The following FMN2 variants were observed in gnomAD, a reference collection of about 807,000 sequenced individuals.
FMN2 encodes formin 2, also known as formin-2.
A neutral mutation model predicts 142.3 loss-of-function variants in FMN2; 51 were observed. The ratio of observed to expected loss-of-function variants is 0.36; its 90% confidence interval spans 0.29 to 0.45. FMN2 has a LOEUF of 0.45. Among genes scored for constraint, FMN2 ranks in the 20% least tolerant of loss-of-function variants. The pLI, the probability that FMN2 is intolerant of heterozygous loss-of-function variation, is 1.00. For missense variants in FMN2, 1,936 were observed against 2,122.8 expected (o/e 0.91, Z 1.73); for synonymous variants, 882 against 869.8 (o/e 1.01, Z -0.25).
At chr1:240,461,526 G>A (rs997386845) in intron 16 of FMN2, among the ~76,000 whole-genome samples, 2 of 152,160 alleles carry the variant, frequency 1.3e-5, no homozygotes, top group African/African-American at 4.8e-5. Context: ...TGCTTCTTCT[G>A]TGGGTGCTCT....
intron 14 of FMN2, among the ~76,000 whole-genome samples, chr1:240,378,035 T>C (rs906117321): frequency 6.6e-6 from 1 of 152,164 alleles, no homozygotes; most frequent in African/African-American, 2.4e-5. Flanking sequence ...ATCTAAACTC[T>C]GGTTGTTTTT....
Position 240,112,156 on chromosome 1 carries a change from C to T in FMN2, c.1616-11023C>T, listed in dbSNP as rs191331198. 8.5e-4 allele frequency among the ~76,000 whole-genome samples: 120 copies of T among 141,566 alleles called. 1 individual carries two copies. The East Asian group carries it at 0.019, about 22-fold the overall frequency. The allele number at this position is 141,566 out of a possible 152,430, so 92.9% of individuals were successfully genotyped here. A position where few individuals can be genotyped will look rare whatever the true frequency, so the allele number is the denominator to read the frequency against. ...TTTTCTTTTTTTTTTTTTTTTGAGA[C>T]GGAGTCTCACTCTGTCACCAGCTAG... On this transcript the variant is annotated intron_variant, in intron 1 of 17. Transcript: ENST00000319653.
At chr1:240,137,783 A>G (rs1663006301) in intron 2 of FMN2, among the ~76,000 whole-genome samples, 1 of 152,004 alleles carries the variant, frequency 6.6e-6, no homozygotes, top group African/African-American at 2.4e-5. Context: ...GGAGGAACAG[A>G]AGAGGCGTCT....
At chr1:240,449,398 A>G (rs1675929646) in intron 16 of FMN2, among the ~76,000 whole-genome samples, 1 of 152,076 alleles carries the variant, frequency 6.6e-6, no homozygotes, top group African/African-American at 2.4e-5. Flanking sequence ...GGCCTTAGAA[A>G]CTTGAACCGT....
intron 4 of FMN2, among the ~76,000 whole-genome samples, chr1:240,190,884 T>C (rs1195359834): frequency 6.6e-6 from 1 of 152,240 alleles, no homozygotes; most frequent in Non-Finnish European, 1.5e-5. Flanking sequence ...TAAGTTGTGT[T>C]AATTTTACTA....
At chr1:240,465,292 T>TCA (rs1676575220) in intron 16 of FMN2, among the ~76,000 whole-genome samples, 1 of 149,778 alleles carries the variant, frequency 6.7e-6, no homozygotes, top group African/African-American at 2.5e-5. Flanking sequence ...CTCCACCACC[T>TCA]CTCTCCTCCC....
Position 240,473,150 on chromosome 1 carries a change from A to C in FMN2, c.5142+697A>C, listed in dbSNP as rs187913232. ...CCACTGGGATGTAAAGTTGGTGGGA[A>C]GCGCCAAGAGCAGTGTGACGCTTTG... On this transcript the variant is annotated intron_variant, in intron 17 of 17. Transcript: ENST00000319653. This position sits in a 1 kb window ranked among gnomAD's most constrained non-coding sequence, Gnocchi z 4.3. 6.6e-6 allele frequency among the ~76,000 whole-genome samples: 1 copy of C among 152,114 alleles called. No homozygotes were observed. Among genetic ancestry groups the C allele is most frequent in the East Asian group, 1.9e-4 (1 of 5,174 alleles).
rs1406227752 is a variant in FMN2 at position 240,140,085 on chromosome 1, G to A, written c.1782+16740G>A. Among the ~76,000 whole-genome samples, 3 of 152,254 alleles carry A rather than the reference G, an allele frequency of 2.0e-5. No individual in the cohort carries two copies. In the East Asian group the frequency reaches 5.8e-4, roughly 29 times the overall value. On this transcript the variant is annotated intron_variant, in intron 2 of 17. Coordinates refer to ENST00000319653, the MANE Select transcript of FMN2 (RefSeq NM_020066.5). ...GTCTGCTGGCTAAGATTGCGTGAAG[G>A]TGAGTGCTTGCATTGGCTTACTCTC...
chr1:240,150,718 T>C (rs948498434), intron 2 of FMN2, among the ~76,000 whole-genome samples: 30 of 152,192 alleles, frequency 2.0e-4, no homozygotes, highest in African/African-American at 7.2e-4. Flanking sequence ...ACATGTCATT[T>C]GATCTTTAAC....
At chr1:240,135,682 C>CT (rs201355071) in intron 2 of FMN2, among the ~76,000 whole-genome samples, 2,632 of 136,122 alleles carry the variant, frequency 0.019, 63 homozygotes, top group African/African-American at 0.063. Context: ...TGTCATGTTT[C>CT]TTTTTTTTTT....
chr1:240,277,531 T>A, intron 7 of FMN2, among the ~76,000 whole-genome samples: 1 of 112,422 alleles, frequency 8.9e-6, no homozygotes, highest in Non-Finnish European at 1.8e-5. Flanking sequence ...TCTTCTTTTT[T>A]TTTTTTTTTT....
At chr1:240,450,021 A>G (rs944357292) in intron 16 of FMN2, among the ~76,000 whole-genome samples, 7 of 152,188 alleles carry the variant, frequency 4.6e-5, no homozygotes, top group African/African-American at 1.7e-4. Flanking sequence ...TGTTCATTTT[A>G]TAACTCAAAG....
chr1:240,142,845 A>G, intron 2 of FMN2: 3 of 1,588,286 alleles, frequency 1.9e-6, no homozygotes, highest in African/African-American at 1.3e-5. Flanking sequence ...CACCACATCC[A>G]CTGCCTGGCC....
At chr1:240,360,500 T>C (rs149101086) in intron 14 of FMN2, among the ~76,000 whole-genome samples, 1 of 152,348 alleles carries the variant, frequency 6.6e-6, no homozygotes, top group African/African-American at 2.4e-5. Context: ...ACTTCAGTTG[T>C]ACGTTTTCCT....
intron 7 of FMN2, among the ~76,000 whole-genome samples, chr1:240,260,629 G>A (rs1370216471): frequency 6.6e-6 from 1 of 152,118 alleles, no homozygotes; most frequent in African/African-American, 2.4e-5. Context: ...ATTTGTTTGT[G>A]TTCCTTGTAG....
At chr1:240,380,626 TA>T (rs371034288) in intron 14 of FMN2, among the ~76,000 whole-genome samples, 45 of 146,580 alleles carry the variant, frequency 3.1e-4, no homozygotes, top group African/African-American at 1.1e-3. Context: ...AATGCCTACA[TA>T]AAAAACACAG....
At chr1:240,221,438 T>C (rs1338819422) in intron 6 of FMN2, among the ~76,000 whole-genome samples, 1 of 152,210 alleles carries the variant, frequency 6.6e-6, no homozygotes, top group East Asian at 1.9e-4. Flanking sequence ...TATCTCATTG[T>C]GTTTTTGATT....
chr1:240,292,290 CA>C (rs1450827147), intron 7 of FMN2, among the ~76,000 whole-genome samples: 2 of 151,996 alleles, frequency 1.3e-5, no homozygotes, highest in Non-Finnish European at 2.9e-5. Context: ...TAAATAAATA[CA>C]TAAATAAGTA....
At position 240,095,867 on chromosome 1, in the gene FMN2, G is replaced by C. The variant is rs145153972; in HGVS notation, c.1615+2143G>C. 5.5e-3 allele frequency among the ~76,000 whole-genome samples: 833 copies of C among 152,198 alleles called. 10 individuals are homozygous for C. The highest frequency in any genetic ancestry group is 0.019 in the African/African-American group (798 of 41,524). ...ACCTGGGTTTTGTTGACCTCTCCAG[G>C]TGATTTGTTTTTTAAATTGTGCAAA... is the stretch of plus-strand genomic sequence containing the variant. On this transcript the variant is annotated intron_variant, in intron 1 of 17. Coordinates refer to ENST00000319653, the MANE Select transcript of FMN2 (RefSeq NM_020066.5).
Sources: gnomAD v4.1 joint callset for allele counts (sites outside exome capture counted in the v4.1 genomes callset) on GRCh38, gnomAD v4.1.1 for gene constraint, Gnocchi (gnomAD v3.1) non-coding constraint, MANE v1.5 for transcripts, NCBI Gene and HGNC (gene_info 2026-07-23, HGNC 2026-07-21) for gene names.